The following LTBR variants were observed in gnomAD, a reference collection of about 807,000 sequenced individuals.
LTBR encodes tumor necrosis factor receptor superfamily member 3.
In LTBR, 15 loss-of-function variants were observed where a neutral mutation model predicts 45.4. The ratio of observed to expected loss-of-function variants is 0.33; its 90% CI spans 0.22 to 0.51. The LOEUF (loss-of-function observed/expected upper bound fraction) is 0.51, where lower values mean the gene tolerates loss of function less well. Ranked by LOEUF, LTBR falls within the 20% of genes least tolerant of loss-of-function variation. LTBR has a pLI of 0.97. For synonymous variants in LTBR, 228 were observed against 231.0 expected, an observed-to-expected ratio of 0.99 and a Z score of 0.12; for missense variants, 450 against 565.5, an observed-to-expected ratio of 0.80 and a Z score of 2.07.
Position 6,386,724 on chromosome 12 carries a change from G to C in LTBR, c.667+280G>C. 2.8e-6 allele frequency: 1 copy of C among 362,536 alleles called. No homozygotes were observed. Among genetic ancestry groups the C allele is most frequent in the South Asian group, 5.6e-5 (1 of 17,892 alleles). 22.5% of individuals were successfully genotyped at this position (362,536 alleles called of 1,614,324 possible). A position where few individuals can be genotyped will look rare whatever the true frequency, so the allele number is the denominator to read the frequency against. ...ATAACTACTATTGTCATCATTTTGG[G>C]CTTACCAACATTACACAATCCGTTT... On this transcript the variant is annotated intron_variant, in intron 6 of 9. Transcript: ENST00000228918. This position sits in a 1 kb window ranked among gnomAD's most constrained non-coding sequence, Gnocchi z 4.1.
intron 9 of LTBR, 41 bp from the exon 10 acceptor site, chr12:6,390,618 TG>T: frequency 6.7e-7 from 1 of 1,496,896 alleles, no homozygotes. Flanking sequence ...GGGCCTGAAC[TG>T]GGGGCCTTCC....
At chr12:6,381,565 CAGAA>C (rs1948985188), upstream of LTBR, among the ~76,000 whole-genome samples, 1 of 152,190 alleles carries the variant, frequency 6.6e-6, no homozygotes, top group African/African-American at 2.4e-5. Context: ...CGGCTGGCAG[CAGAA>C]AGAAACATAC....
chr12:6,377,021 G>C, intron 1 of LTBR: 1 of 470,110 alleles, frequency 2.1e-6, no homozygotes, highest in Non-Finnish European at 3.8e-6. Flanking sequence ...CCAAGGGCTA[G>C]GGGAGCCTAG....
upstream of LTBR, among the ~76,000 whole-genome samples, chr12:6,382,965 CTG>C (rs1948998938): frequency 6.6e-6 from 1 of 152,204 alleles, no homozygotes; most frequent in South Asian, 2.1e-4. Context: ...TGGACTGGCT[CTG>C]TGATGTGGCC....
rs1555117351 is a variant in LTBR at position 6,386,469 on chromosome 12, CG to C, written c.667+33del. ...GGTGAGGGACCAGGGCTGAGGGACA[CG>C]GGGGGGGCGCCTCTGAAAATGCCTT... is the stretch of plus-strand genomic sequence containing the variant. On this transcript the variant is annotated intron_variant, in intron 6 of 9. Transcript: ENST00000228918. This position sits in a 1 kb window ranked among gnomAD's most constrained non-coding sequence, Gnocchi z 4.1. 10 of 1,484,550 alleles carry C rather than the reference CG, an allele frequency of 6.7e-6. No homozygotes were observed. Among genetic ancestry groups the C allele is most frequent in the Middle Eastern group, 1.7e-4 (1 of 5,802 alleles). The allele number at this position is 1,484,550 out of a possible 1,614,324, so 92.0% of individuals were successfully genotyped here. A position where few individuals can be genotyped will look rare whatever the true frequency, so the allele number is the denominator to read the frequency against.
chr12:6,390,105 C>G lies in LTBR; in HGVS notation c.802-7C>G. 1 of 1,604,054 alleles carries G rather than the reference C, an allele frequency of 6.2e-7. No homozygotes were observed. Among genetic ancestry groups the G allele is most frequent in the Non-Finnish European group, 8.5e-7 (1 of 1,171,194 alleles). ...TCATTGTTTGGGTCTCCATCTCTTT[C>G]CTGCAGGGAGAGGGACCCAATCCTG... On this transcript the variant is annotated splice_polypyrimidine_tract_variant and splice_region_variant and intron_variant, in intron 8 of 9. Coordinates refer to ENST00000228918, the MANE Select transcript of LTBR (RefSeq NM_002342.3).
chr12:6,381,196 A>T (rs946602139), upstream of LTBR, among the ~76,000 whole-genome samples: 1 of 152,202 alleles, frequency 6.6e-6, no homozygotes, highest in Non-Finnish European at 1.5e-5. Context: ...AGCAGCTACC[A>T]TCTCTAGGCC....
At chr12:6,376,041 G>C (rs928056910) in intron 1 of LTBR, 52 of 993,980 alleles carry the variant, frequency 5.2e-5, no homozygotes, top group Non-Finnish European at 5.4e-5. Flanking sequence ...AGAGCAAGGG[G>C]GGAGTCCCAA....
At chr12:6,381,509 G>A (rs767539012), upstream of LTBR, among the ~76,000 whole-genome samples, 6 of 152,208 alleles carry the variant, frequency 3.9e-5, no homozygotes, top group Admixed American at 6.5e-5. Flanking sequence ...CTCAGGGCTC[G>A]TTCCTTAGGG....
intron 8 of LTBR, chr12:6,389,090 A>G: frequency 2.5e-6 from 1 of 407,682 alleles, no homozygotes; most frequent in South Asian, 3.0e-5. Flanking sequence ...TAATTGCTAA[A>G]CAAAGCAGGG....
chr12:6,375,185 A>G (rs1948882089), upstream of LTBR: 1 of 1,451,342 alleles, frequency 6.9e-7, no homozygotes, highest in Non-Finnish European at 9.0e-7. Flanking sequence ...TCTGTGTCTC[A>G]GCTCCTGCCT....
upstream of LTBR, chr12:6,375,352 C>A (rs939419530): frequency 3.4e-6 from 5 of 1,450,010 alleles, no homozygotes; most frequent in Admixed American, 5.2e-5. Context: ...CTGGCCCTGA[C>A]CTCGAGCTGT....
chr12:6,378,668 C>G (rs1267053990), intron 1 of LTBR, among the ~76,000 whole-genome samples: 1 of 152,156 alleles, frequency 6.6e-6, no homozygotes, highest in Non-Finnish European at 1.5e-5. Flanking sequence ...CACAGTCACC[C>G]AGGAGTTAGG....
chr12:6,386,536 C>T lies in LTBR; in HGVS notation c.667+92C>T. 2.0e-6 allele frequency: 2 copies of T among 999,884 alleles called. No homozygotes were observed. The highest frequency in any genetic ancestry group is 1.4e-5 in the South Asian group (1 of 69,190). The allele number at this position is 999,884 out of a possible 1,614,324, so 61.9% of individuals were successfully genotyped here. Reference sequence around the variant, plus strand: ...AAAAAAAATGGGGAAAAGATGAACACTTCCCTCCCAGAATTGGGCAAGAAG... The same window carrying T: ...AAAAAAAATGGGGAAAAGATGAACATTTCCCTCCCAGAATTGGGCAAGAAG... On this transcript the variant is annotated intron_variant, in intron 6 of 9. Coordinates refer to ENST00000228918, the MANE Select transcript of LTBR (RefSeq NM_002342.3). The surrounding 1 kb of genome is among the most constrained non-coding windows in gnomAD (Gnocchi z 4.1).
At chr12:6,379,313 A>G (rs1466772884), upstream of LTBR, among the ~76,000 whole-genome samples, 1 of 152,188 alleles carries the variant, frequency 6.6e-6, no homozygotes, top group Admixed American at 6.5e-5. Context: ...TATGCTACGA[A>G]AAAGCATCTG....
intron 4 of LTBR, chr12:6,385,665 G>A (rs1423737425): frequency 6.7e-6 from 3 of 447,072 alleles, no homozygotes; most frequent in Admixed American, 3.7e-5. Flanking sequence ...CCAGCACTTT[G>A]GGAGGCCGAG....
chr12:6,383,958 C>A (rs1949008410), upstream of LTBR: 1 of 1,024,300 alleles, frequency 9.8e-7, no homozygotes, highest in Non-Finnish European at 1.2e-6. Context: ...TGGGCCAGGG[C>A]TGTCCGCAGT....
Position 6,377,544 on chromosome 12 carries a change from G to T in LTBR, c.39+1950G>T. The T allele has an allele frequency of 8.6e-6, 7 of 814,484 alleles. 1 individual carries two copies. Among genetic ancestry groups the T allele is most frequent in the Middle Eastern group, 2.9e-4 (1 of 3,436 alleles). 50.5% of individuals were successfully genotyped at this position (814,484 alleles called of 1,614,324 possible). A position where few individuals can be genotyped will look rare whatever the true frequency, so the allele number is the denominator to read the frequency against. ...ACTCCCACACAGAGCCCGTGGATTCGTCTGCTCTCTGGGTGCTGGGTTATC... is the reference window on the plus strand; with the variant it reads ...ACTCCCACACAGAGCCCGTGGATTCTTCTGCTCTCTGGGTGCTGGGTTATC... On this transcript the variant is annotated intron_variant, in intron 1 of 9. Transcript: ENST00000539925.
chr12:6,384,078 T>G, upstream of LTBR: 1 of 1,233,382 alleles, frequency 8.1e-7, no homozygotes, highest in Non-Finnish European at 1.0e-6. Context: ...CAGACAAGCC[T>G]GTTCCTCTTC....
Sources: allele counts gnomAD v4.1 joint callset (sites outside exome capture counted in the v4.1 genomes callset), GRCh38; gene constraint gnomAD v4.1.1; non-coding constraint Gnocchi (gnomAD v3.1); transcripts MANE v1.5; gene names NCBI Gene and HGNC (gene_info 2026-07-23, HGNC 2026-07-21).